The following KCNU1 variants were observed in gnomAD, a reference collection of about 807,000 sequenced individuals.
The protein encoded by KCNU1 is potassium channel subfamily U member 1.
Under a neutral mutation model 126.8 loss-of-function variants are expected in KCNU1, and 93 were observed. That is an observed-to-expected ratio of 0.73 (90% CI 0.62 to 0.87). KCNU1 has a LOEUF of 0.87. KCNU1 is among the 40% of genes least tolerant of loss of function. The pLI is 0.00. For missense variants in KCNU1, 1,330 were observed against 1,367.1 expected, an observed-to-expected ratio of 0.97 and a Z score of 0.43; for synonymous variants, 523 against 494.2, an observed-to-expected ratio of 1.06 and a Z score of -0.77.
intron 19 of KCNU1, chr8:36,888,548 A>G (rs1429602890): frequency 1.9e-6 from 1 of 533,356 alleles, no homozygotes; most frequent in African/African-American, 1.9e-5. Context: ...CTGGGAGATC[A>G]CAAATGGGCT....
chr8:36,825,997 T>C (rs1381176517), intron 10 of KCNU1, among the ~76,000 whole-genome samples: 1 of 152,018 alleles, frequency 6.6e-6, no homozygotes, highest in African/African-American at 2.4e-5. Flanking sequence ...TGTGTATAGG[T>C]TTGAATTTCT....
chr8:36,918,767 T>C, intron 22 of KCNU1, 56 bp from the exon 23 acceptor site: 1 of 1,020,604 alleles, frequency 9.8e-7, no homozygotes, highest in Non-Finnish European at 1.5e-6. Flanking sequence ...TCTACATTTT[T>C]GACAAGTTTT....
chr8:36,809,156 A>G (rs1419734437), intron 7 of KCNU1, among the ~76,000 whole-genome samples: 1 of 152,172 alleles, frequency 6.6e-6, no homozygotes, highest in Non-Finnish European at 1.5e-5. Context: ...TCAGACTTAT[A>G]AATGCTGGAG....
chr8:36,818,756 A>T (rs1044548634), intron 10 of KCNU1, among the ~76,000 whole-genome samples: 1 of 152,128 alleles, frequency 6.6e-6, no homozygotes, highest in South Asian at 2.1e-4. Context: ...TGAGCACTCT[A>T]CTTTTGCATT....
At chr8:36,839,199 T>G (rs909539989) in intron 14 of KCNU1, among the ~76,000 whole-genome samples, 2 of 152,212 alleles carry the variant, frequency 1.3e-5, no homozygotes, top group African/African-American at 2.4e-5. Context: ...ACATTTCCAG[T>G]TGGTCCTGGG....
intron 22 of KCNU1, among the ~76,000 whole-genome samples, chr8:36,911,516 A>G (rs1585553256): frequency 6.6e-6 from 1 of 152,216 alleles, no homozygotes; most frequent in Admixed American, 6.5e-5. Flanking sequence ...ATCTAATGCA[A>G]TCAAGGTCAA....
chr8:36,834,365 T>C (rs890380931), intron 11 of KCNU1, among the ~76,000 whole-genome samples: 16 of 152,174 alleles, frequency 1.1e-4, no homozygotes, highest in Non-Finnish European at 1.5e-5. Flanking sequence ...ACTCCACCAA[T>C]ATTGAATAAC....
chr8:36,812,253 A>T (rs1803746348), intron 7 of KCNU1, among the ~76,000 whole-genome samples: 1 of 151,528 alleles, frequency 6.6e-6, no homozygotes, highest in African/African-American at 2.4e-5. Flanking sequence ...GGTGGCAGGC[A>T]CCTGCAATCC....
intron 18 of KCNU1, among the ~76,000 whole-genome samples, chr8:36,849,840 C>G (rs2117284135): frequency 6.6e-6 from 1 of 152,092 alleles, no homozygotes; most frequent in East Asian, 1.9e-4. Flanking sequence ...ATGTATACAC[C>G]CAGAAGTAGA....
chr8:36,936,122 T>C lies in KCNU1; in HGVS notation c.*202T>C, dbSNP rs1424883970. On this transcript the variant is annotated 3_prime_UTR_variant, in exon 27 of 27. Coordinates refer to ENST00000399881, the MANE Select transcript of KCNU1 (RefSeq NM_001031836.3). Reference sequence around the variant, plus strand: ...GTGTGATAAATAAAGAAATATATGATCAATGCTTCTGTAAGGAAAGTTCAT... The same window carrying C: ...GTGTGATAAATAAAGAAATATATGACCAATGCTTCTGTAAGGAAAGTTCAT... 4.5e-6 allele frequency: 2 copies of C among 441,410 alleles called. No individual in the cohort carries two copies. Among genetic ancestry groups the C allele is most frequent in the Non-Finnish European group, 7.9e-6 (2 of 252,682 alleles). 27.3% of individuals were successfully genotyped at this position (441,410 alleles called of 1,614,324 possible).
chr8:36,797,079 T>C (rs1403821182), intron 2 of KCNU1, among the ~76,000 whole-genome samples: 1 of 152,138 alleles, frequency 6.6e-6, no homozygotes, highest in African/African-American at 2.4e-5. Flanking sequence ...TACATGGTGA[T>C]TGTGAATTTC....
At chr8:36,873,118 A>G (rs1806162188) in intron 19 of KCNU1, among the ~76,000 whole-genome samples, 1 of 152,104 alleles carries the variant, frequency 6.6e-6, no homozygotes, top group African/African-American at 2.4e-5. Context: ...AAAAAACCCC[A>G]ACAATTTACA....
At chr8:36,878,991 A>T (rs970728803) in intron 19 of KCNU1, among the ~76,000 whole-genome samples, 1 of 147,978 alleles carries the variant, frequency 6.8e-6, no homozygotes, top group African/African-American at 2.5e-5. Flanking sequence ...GGTGAAATTT[A>T]CTTAGCAACT....
chr8:36,905,882 G>A, intron 20 of KCNU1, 78 bp downstream of exon 20: 6 of 690,402 alleles, frequency 8.7e-6, no homozygotes, highest in South Asian at 2.0e-5. Flanking sequence ...TTAGTCATAA[G>A]CACCTGTCAC....
chr8:36,927,287 C>T (rs1318592524), intron 24 of KCNU1, among the ~76,000 whole-genome samples: 2 of 152,128 alleles, frequency 1.3e-5, no homozygotes, highest in African/African-American at 4.8e-5. Context: ...AAAATGGCTT[C>T]AAGTGTTCCT....
chr8:36,791,584 C>T (rs1204554432), intron 2 of KCNU1, among the ~76,000 whole-genome samples: 1 of 151,992 alleles, frequency 6.6e-6, no homozygotes, highest in Non-Finnish European at 1.5e-5. Flanking sequence ...AAATTAAGCC[C>T]CTAGCAACAA....
At chr8:36,831,318 C>A (rs1486010464) in intron 10 of KCNU1, among the ~76,000 whole-genome samples, 1 of 151,854 alleles carries the variant, frequency 6.6e-6, no homozygotes, top group East Asian at 1.9e-4. Context: ...GTTCTAGATC[C>A]CTGAGGAATC....
At chr8:36,929,387 C>CAAAAAAAAAAAAAAAAA (rs35835813) in intron 24 of KCNU1, among the ~76,000 whole-genome samples, 1 of 99,306 alleles carries the variant, frequency 1.0e-5, no homozygotes, top group African/African-American at 3.9e-5. Context: ...GACCCTGTCT[C>CAAAAAAAAAAAAAAAAA]AAAAAAAAAA....
At chr8:36,838,086 G>A (rs1421457459) in intron 14 of KCNU1, among the ~76,000 whole-genome samples, 1 of 152,190 alleles carries the variant, frequency 6.6e-6, no homozygotes, top group East Asian at 1.9e-4. Flanking sequence ...GTAATATACA[G>A]GTGAAAAGAA....
Sources: gnomAD v4.1 joint callset for allele counts (sites outside exome capture counted in the v4.1 genomes callset) on GRCh38, gnomAD v4.1.1 for gene constraint, MANE v1.5 for transcripts, NCBI Gene and HGNC (gene_info 2026-07-23, HGNC 2026-07-21) for gene names.